The following SLK variants were observed in gnomAD, a reference collection of about 807,000 sequenced individuals.
The protein encoded by SLK is STE20-like serine/threonine-protein kinase.
Under a neutral mutation model 147.7 loss-of-function variants are expected in SLK, and 67 were observed. That is an observed-to-expected ratio of 0.45 (90% CI 0.37 to 0.56). SLK has a LOEUF of 0.56. SLK is among the 20% of genes least tolerant of loss of function. The pLI is 0.00. For missense variants in SLK, 1,136 were observed against 1,438.8 expected, an observed-to-expected ratio of 0.79 and a Z score of 3.41; for synonymous variants, 441 against 475.0, an observed-to-expected ratio of 0.93 and a Z score of 0.93.
chr10:104,018,973 T>C (rs1360164011), intron 15 of SLK, 65 bp downstream of exon 15: 24 of 1,444,908 alleles, frequency 1.7e-5, no homozygotes, highest in Non-Finnish European at 2.2e-5. Context: ...TATTTAGTTT[T>C]GAAACTTAAG....
At chr10:103,994,131 CA>C (rs1844135396) in intron 4 of SLK, among the ~76,000 whole-genome samples, 1 of 152,100 alleles carries the variant, frequency 6.6e-6, no homozygotes, top group African/African-American at 2.4e-5. Flanking sequence ...TTCCTGGGTG[CA>C]AGTGATTCTT....
At chr10:103,983,098 G>A (rs1165925474) in intron 1 of SLK, among the ~76,000 whole-genome samples, 1 of 152,128 alleles carries the variant, frequency 6.6e-6, no homozygotes, top group Non-Finnish European at 1.5e-5. Context: ...TTCAGTAGTC[G>A]CTAATTCAGT....
At chr10:103,969,040 C>T (rs1843758276) in intron 1 of SLK, among the ~76,000 whole-genome samples, 2 of 152,120 alleles carry the variant, frequency 1.3e-5, no homozygotes. Context: ...GCGATCTCGG[C>T]TCACTGCAAC....
At chr10:103,995,020 C>G (rs1425989320) in intron 4 of SLK, among the ~76,000 whole-genome samples, 1 of 152,102 alleles carries the variant, frequency 6.6e-6, no homozygotes, top group Non-Finnish European at 1.5e-5. Context: ...TTTGGGGTTG[C>G]AAAACGAATT....
At chr10:104,004,736 A>G (rs1342148076) in intron 9 of SLK, among the ~76,000 whole-genome samples, 1 of 152,224 alleles carries the variant, frequency 6.6e-6, no homozygotes, top group African/African-American at 2.4e-5. Context: ...CCTTTCTTCC[A>G]TATCAACACC....
intron 18 of SLK, among the ~76,000 whole-genome samples, chr10:104,022,322 C>A (rs1350978529): frequency 6.6e-6 from 1 of 152,150 alleles, no homozygotes; most frequent in Non-Finnish European, 1.5e-5. Context: ...AACTTGAAAT[C>A]TGGTAAAATA....
chr10:103,974,383 G>C (rs1026585665), intron 1 of SLK: 2 of 150,836 alleles, frequency 1.3e-5, no homozygotes, highest in East Asian at 4.0e-4. Flanking sequence ...AGGCCGAGGC[G>C]GGTGGATCAC....
chr10:103,989,869 C>T (rs1375398156), intron 1 of SLK, among the ~76,000 whole-genome samples: 1 of 152,146 alleles, frequency 6.6e-6, no homozygotes, highest in Non-Finnish European at 1.5e-5. Flanking sequence ...AACATGTCTA[C>T]ACAGAAACCC....
At position 103,967,660 on chromosome 10, in the gene SLK, G is replaced by T; in HGVS notation, c.-86G>T. 4.0e-6 allele frequency: 5 copies of T among 1,253,466 alleles called. No homozygotes were observed. Among genetic ancestry groups the T allele is most frequent in the Non-Finnish European group, 5.3e-6 (5 of 949,360 alleles). 77.6% of individuals were successfully genotyped at this position (1,253,466 alleles called of 1,614,324 possible). A position where few individuals can be genotyped will look rare whatever the true frequency, so the allele number is the denominator to read the frequency against. On this transcript the variant is annotated 5_prime_UTR_variant, in exon 1 of 19. Transcript: ENST00000369755. ...CGCCGCGCCCGCCGCCGCCAGCCGG[G>T]CTCGCGCGGGAGAGCAGGGAAGAGA... is the stretch of plus-strand genomic sequence containing the variant.
At chr10:104,011,742 A>G (rs1844403422) in intron 13 of SLK, among the ~76,000 whole-genome samples, 1 of 152,024 alleles carries the variant, frequency 6.6e-6, no homozygotes, top group African/African-American at 2.4e-5. Flanking sequence ...TTGTATTTTT[A>G]GTAGAGATGG....
At chr10:104,009,888 G>A (rs1254119899) in intron 12 of SLK, among the ~76,000 whole-genome samples, 5 of 151,966 alleles carry the variant, frequency 3.3e-5, no homozygotes, top group East Asian at 3.9e-4. Context: ...TTAAATACAC[G>A]ATGTTAAATC....
intron 9 of SLK, among the ~76,000 whole-genome samples, chr10:104,004,129 A>G (rs75294881): frequency 0.023 from 3,535 of 152,254 alleles, 81 homozygotes; most frequent in South Asian, 0.11. Context: ...CAGGTGATCC[A>G]TGGGCTGCCC....
At chr10:104,007,178 A>C (rs994576727) in intron 11 of SLK, among the ~76,000 whole-genome samples, 1 of 152,020 alleles carries the variant, frequency 6.6e-6, no homozygotes, top group African/African-American at 2.4e-5. Flanking sequence ...GTAGACCTCA[A>C]ATAAGCTCTT....
chr10:103,971,774 TAAA>T (rs1843797147), intron 1 of SLK, among the ~76,000 whole-genome samples: 1 of 152,234 alleles, frequency 6.6e-6, no homozygotes, highest in African/African-American at 2.4e-5. Context: ...ATCTTTGTAT[TAAA>T]AAGTATGGAA....
In SLK at chr10:104,022,283, C is replaced by T. The variant is rs1844545961; in HGVS notation, c.3561+550C>T. ...TGAGTCTGAACAGGTCAACTGGAGC[C>T]ATATTAAAAGGCCCTGTTATTCTAC... On this transcript the variant is annotated intron_variant, in intron 18 of 18. Transcript: ENST00000369755. Among the ~76,000 whole-genome samples the T allele has an allele frequency of 2.0e-5, 3 of 152,048 alleles. No individual in the cohort carries two copies. In the South Asian group the frequency reaches 6.2e-4, roughly 32 times the overall value.
intron 13 of SLK, among the ~76,000 whole-genome samples, chr10:104,017,320 A>C (rs1309588206): frequency 6.6e-6 from 1 of 152,160 alleles, no homozygotes. Context: ...TAATTTCTCA[A>C]ACTATTGTTC....
intron 4 of SLK, among the ~76,000 whole-genome samples, chr10:103,997,584 CTT>C (rs74506697): frequency 2.0e-5 from 3 of 149,020 alleles, no homozygotes; most frequent in Admixed American, 1.3e-4. Context: ...CTTGTCAACA[CTT>C]TTTTTTTTTC....
rs781111224 is a variant in SLK, at chr10:104,020,477, C to A, written c.3322-11C>A. On this transcript the variant is annotated splice_polypyrimidine_tract_variant and intron_variant, in intron 16 of 18. Coordinates refer to ENST00000369755, the MANE Select transcript of SLK (RefSeq NM_014720.4). ...TCTGAACTATAGTTTATCTTTTTTT[C>A]TTATTTATAGTTTGCTGCACAAGAA... 6.3e-7 allele frequency: 1 copy of A among 1,596,784 alleles called. No homozygotes were observed. Among genetic ancestry groups the A allele is most frequent in the Non-Finnish European group, 8.5e-7 (1 of 1,173,848 alleles).
At chr10:104,015,208 A>G (rs1844446881) in intron 13 of SLK, among the ~76,000 whole-genome samples, 1 of 152,172 alleles carries the variant, frequency 6.6e-6, no homozygotes. Flanking sequence ...ACAGCTCTGT[A>G]AGGCAGCTGG....
Sources: gnomAD v4.1 joint callset for allele counts (sites outside exome capture counted in the v4.1 genomes callset) on GRCh38, gnomAD v4.1.1 for gene constraint, MANE v1.5 for transcripts, NCBI Gene and HGNC (gene_info 2026-07-23, HGNC 2026-07-21) for gene names.